The following SPACA9 variants were observed in gnomAD, a reference collection of about 807,000 sequenced individuals.
The protein encoded by SPACA9 is sperm acrosome associated 9.
A neutral mutation model predicts 12.5 loss-of-function variants in SPACA9; 14 were observed. The observed-to-expected ratio is 1.12, with a 90% CI of 0.74 to 1.75. The LOEUF (loss-of-function observed/expected upper bound fraction) is 1.75, where lower values mean the gene tolerates loss of function less well. Among genes scored for constraint, SPACA9 ranks in the 40% most tolerant of loss-of-function variants. SPACA9 has a pLI of 0.00. For synonymous variants in SPACA9, 111 were observed against 114.1 expected, an observed-to-expected ratio of 0.97 and a Z score of 0.17; for missense variants, 292 against 291.9, an observed-to-expected ratio of 1.00 and a Z score of 0.00.
intron 1 of SPACA9, among the ~76,000 whole-genome samples, chr9:132,882,383 G>A (rs1271920549): frequency 6.6e-6 from 1 of 151,796 alleles, no homozygotes; most frequent in Non-Finnish European, 1.5e-5. Flanking sequence ...GCCATCTCCT[G>A]GTCTGTTCTT....
rs1445675605 is a variant in SPACA9, at chr9:132,888,538, A to C, written c.596A>C (p.Gln199Pro). 1 of 1,558,812 alleles carries C rather than the reference A, an allele frequency of 6.4e-7. No homozygotes were observed. Among genetic ancestry groups the C allele is most frequent in the Admixed American group, 1.9e-5 (1 of 51,642 alleles). The change falls in exon 4 of 4, where the codon CAG becomes CCG. Residue 199 changes from glutamine to proline, a missense_variant. Transcript: ENST00000356311. The surrounding 1 kb of genome is among the most constrained non-coding windows in gnomAD (Gnocchi z 5.0). ...AGGGCCACTAAACACAAGTGTAGACAGCTCACAAAAGCCAGCCTCAAACCC... is the reference window on the plus strand; with the variant it reads ...AGGGCCACTAAACACAAGTGTAGACCGCTCACAAAAGCCAGCCTCAAACCC... Reference protein sequence around the residue: ...QPRATKHKCRQLTKASLKPRG... With the variant: ...QPRATKHKCRPLTKASLKPRG...
In SPACA9 at chr9:132,888,543, A is replaced by G. The variant is rs760981860; in HGVS notation, c.601A>G (p.Thr201Ala). The change falls in exon 4 of 4, where the codon ACA becomes GCA. Residue 201 changes from threonine (T) to alanine (A), a missense_variant. Transcript: ENST00000356311. The surrounding 1 kb of genome is among the most constrained non-coding windows in gnomAD (Gnocchi z 5.0). ...RATKHKCRQL[T>A]KASLKPRGCS... ...CACTAAACACAAGTGTAGACAGCTC[A>G]CAAAAGCCAGCCTCAAACCCAGGGG... 2.6e-6 allele frequency: 4 copies of G among 1,557,342 alleles called. No homozygotes were observed. The African/African-American group carries it at 5.5e-5, about 21-fold the overall frequency.
intron 2 of SPACA9, among the ~76,000 whole-genome samples, chr9:132,885,371 G>A (rs1426206004): frequency 6.6e-6 from 1 of 151,708 alleles, no homozygotes; most frequent in African/African-American, 2.4e-5. Flanking sequence ...AAATTAGCCA[G>A]TTGTGGTGGT....
chr9:132,881,297 G>GAAAAAAAA, intron 1 of SPACA9, among the ~76,000 whole-genome samples: 1 of 120,608 alleles, frequency 8.3e-6, no homozygotes, highest in South Asian at 2.7e-4. Context: ...AAAAAAAGAA[G>GAAAAAAAA]AAAAAAAAAA....
chr9:132,878,534 A>T, upstream of SPACA9: 1 of 1,177,704 alleles, frequency 8.5e-7, no homozygotes, highest in Non-Finnish European at 1.0e-6. This position sits in a 1 kb window ranked among gnomAD's most constrained non-coding sequence, Gnocchi z 4.7. Context: ...CTCGTATCTG[A>T]GACCCCCGAC....
At chr9:132,884,974 G>A (rs774685326) in intron 2 of SPACA9, among the ~76,000 whole-genome samples, 9 of 151,864 alleles carry the variant, frequency 5.9e-5, no homozygotes, top group South Asian at 2.1e-4. Flanking sequence ...ATAGCTGGGC[G>A]TGGTGGTGCG....
At chr9:132,880,822 CTTTTT>C (rs900840677) in intron 1 of SPACA9, among the ~76,000 whole-genome samples, 1 of 137,732 alleles carries the variant, frequency 7.3e-6, no homozygotes, top group East Asian at 2.1e-4. Context: ...GTGCAGCTAT[CTTTTT>C]TTTTTTTTTT....
At chr9:132,881,960 C>T (rs893033407) in intron 1 of SPACA9, among the ~76,000 whole-genome samples, 7 of 152,174 alleles carry the variant, frequency 4.6e-5, no homozygotes, top group African/African-American at 7.2e-5. Flanking sequence ...AACCACTGTG[C>T]GTGAGTCAGC....
At chr9:132,890,078 A>G (rs1459545693), downstream of SPACA9, 7 of 1,243,644 alleles carry the variant, frequency 5.6e-6, no homozygotes, top group Non-Finnish European at 7.5e-6. Context: ...AAGAAAACCT[A>G]CATCTCCCCT....
intron 1 of SPACA9, 84 bp from the exon 2 acceptor site, chr9:132,883,827 C>T: frequency 9.1e-7 from 1 of 1,104,476 alleles, no homozygotes; most frequent in Admixed American, 1.8e-5. Flanking sequence ...ATGGGTATCC[C>T]TCTCCCCTGA....
chr9:132,882,354 C>T (rs1844452208), intron 1 of SPACA9, among the ~76,000 whole-genome samples: 2 of 152,190 alleles, frequency 1.3e-5, no homozygotes, highest in African/African-American at 2.4e-5. Flanking sequence ...TGATGTACCA[C>T]CCCCATCATC....
intron 1 of SPACA9, among the ~76,000 whole-genome samples, chr9:132,880,506 C>T (rs1383422128): frequency 1.3e-5 from 2 of 152,118 alleles, no homozygotes; most frequent in Non-Finnish European, 2.9e-5. Flanking sequence ...AGGGCACACG[C>T]CCTTTCTCCC....
At position 132,887,675 on chromosome 9, in the gene SPACA9, AC is replaced by A; in HGVS notation, c.347+108del. ...TGGATCATGGTGCTCCTATTAGACC[AC>A]CCCGGGCAGGAAATCCCAGTCTCCA... On this transcript the variant is annotated intron_variant, in intron 3 of 3. Transcript: ENST00000356311. This position sits in a 1 kb window ranked among gnomAD's most constrained non-coding sequence, Gnocchi z 5.4. 2 of 930,604 alleles carry A rather than the reference AC, an allele frequency of 2.1e-6. No individual in the cohort carries two copies. The highest frequency in any genetic ancestry group is 3.0e-5 in the South Asian group (2 of 66,532). 57.6% of individuals were successfully genotyped at this position (930,604 alleles called of 1,614,324 possible). A position where few individuals can be genotyped will look rare whatever the true frequency, so the allele number is the denominator to read the frequency against.
rs2131501234 is a variant in SPACA9, at chr9:132,889,797, G to C, written c.*1186G>C. On this transcript the variant is annotated 3_prime_UTR_variant, in exon 4 of 4. Coordinates refer to ENST00000356311, the MANE Select transcript of SPACA9 (RefSeq NM_001316897.2). Reference sequence around the variant, plus strand: ...TTTCCTTCGCCTTTACTTGGGAGAGGGAGACCATGACAGAAGCCAGAATTC... The same window carrying C: ...TTTCCTTCGCCTTTACTTGGGAGAGCGAGACCATGACAGAAGCCAGAATTC... The C allele has an allele frequency of 7.6e-7, 1 of 1,318,302 alleles. No individual in the cohort carries two copies. The highest frequency in any genetic ancestry group is 9.8e-7 in the Non-Finnish European group (1 of 1,022,474). The allele number at this position is 1,318,302 out of a possible 1,614,324, so 81.7% of individuals were successfully genotyped here. A position where few individuals can be genotyped will look rare whatever the true frequency, so the allele number is the denominator to read the frequency against.
At chr9:132,885,813 C>G (rs1844549079) in intron 2 of SPACA9, among the ~76,000 whole-genome samples, 1 of 152,196 alleles carries the variant, frequency 6.6e-6, no homozygotes, top group South Asian at 2.1e-4. Context: ...TTAGGTTCAG[C>G]CGAAGGCTCT....
At chr9:132,886,683 A>G (rs970754715) in intron 2 of SPACA9, among the ~76,000 whole-genome samples, 15 of 152,318 alleles carry the variant, frequency 9.8e-5, no homozygotes, top group African/African-American at 3.6e-4. Flanking sequence ...TTAAAAAGGT[A>G]CCTGCTCAGT....
chr9:132,883,160 C>A (rs1844471566), intron 1 of SPACA9, among the ~76,000 whole-genome samples: 1 of 152,152 alleles, frequency 6.6e-6, no homozygotes, highest in South Asian at 2.1e-4. Flanking sequence ...AAGAGAGAGT[C>A]CTCCCCACAG....
chr9:132,884,264 T>A (rs568552048), intron 2 of SPACA9, among the ~76,000 whole-genome samples, 173 bp downstream of exon 2: 1 of 152,314 alleles, frequency 6.6e-6, no homozygotes, highest in Admixed American at 6.5e-5. Flanking sequence ...ACCAAATATG[T>A]AAGTGAATAA....
In SPACA9 at chr9:132,888,251, C is replaced by T. The variant is rs760455342; in HGVS notation, c.348-39C>T. On this transcript the variant is annotated intron_variant, in intron 3 of 3. Transcript: ENST00000356311. The surrounding 1 kb of genome is among the most constrained non-coding windows in gnomAD (Gnocchi z 5.0). Reference sequence around the variant, plus strand: ...CTGCTTGCCACGGCATGGCAAGTCCCGGGAGCATGGGTTCACCTGGCCCCC... The same window carrying T: ...CTGCTTGCCACGGCATGGCAAGTCCTGGGAGCATGGGTTCACCTGGCCCCC... The T allele has an allele frequency of 1.3e-5, 20 of 1,564,556 alleles. No homozygotes were observed. The highest frequency in any genetic ancestry group is 1.2e-5 in the South Asian group (1 of 82,644).
Sources: gnomAD v4.1 joint callset for allele counts (sites outside exome capture counted in the v4.1 genomes callset) on GRCh38, gnomAD v4.1.1 for gene constraint, Gnocchi (gnomAD v3.1) non-coding constraint, MANE v1.5 for transcripts, NCBI Gene and HGNC (gene_info 2026-07-23, HGNC 2026-07-21) for gene names.